The following GALNT13 variants were observed in gnomAD, a reference collection of about 807,000 sequenced individuals.
GALNT13 encodes polypeptide N-acetylgalactosaminyltransferase 13.
A neutral mutation model predicts 64.2 loss-of-function variants in GALNT13; 28 were observed. The ratio of observed to expected loss-of-function variants is 0.44; its 90% confidence interval spans 0.32 to 0.60. GALNT13 has a LOEUF of 0.60. GALNT13 is among the 20% of genes least tolerant of loss of function. The pLI is 0.05. For synonymous variants in GALNT13, 214 were observed against 224.6 expected (o/e 0.95, Z 0.42); for missense variants, 577 against 669.8 (o/e 0.86, Z 1.53).
chr2:154,286,094 T>TA (rs1692249175), intron 8 of GALNT13, among the ~76,000 whole-genome samples: 1 of 152,214 alleles, frequency 6.6e-6, no homozygotes, highest in Non-Finnish European at 1.5e-5. Flanking sequence ...GTGGAGCTTT[T>TA]AGGGTTTTCT....
chr2:154,012,275 C>A (rs1696686101), intron 3 of GALNT13, among the ~76,000 whole-genome samples: 1 of 152,176 alleles, frequency 6.6e-6, no homozygotes, highest in African/African-American at 2.4e-5. Context: ...CTACTGAATT[C>A]TCTTAGTACT....
At chr2:154,086,174 T>A (rs1020960058) in intron 3 of GALNT13, among the ~76,000 whole-genome samples, 14 of 148,210 alleles carry the variant, frequency 9.4e-5, no homozygotes, top group Admixed American at 3.4e-4. Flanking sequence ...ATAATACATT[T>A]ACATATAATA....
At chr2:153,103,160 A>G in the GALNT13 span, among the ~76,000 whole-genome samples, 1 of 152,138 alleles carries the variant, frequency 6.6e-6, no homozygotes, top group Non-Finnish European at 1.5e-5. Context: ...TTTTCCCTGC[A>G]ACCAGAAGAA....
At chr2:154,380,235 G>C (rs1698203366) in intron 9 of GALNT13, among the ~76,000 whole-genome samples, 1 of 151,826 alleles carries the variant, frequency 6.6e-6, no homozygotes, top group Non-Finnish European at 1.5e-5. Flanking sequence ...TTTTACCCAG[G>C]AGTAAAGCAA....
chr2:153,159,225 C>T, the GALNT13 span: 1 of 152,114 alleles, frequency 6.6e-6, no homozygotes, highest in Admixed American at 6.6e-5. Flanking sequence ...TGTAATTACC[C>T]CAGAGATCTT....
intron 4 of GALNT13, among the ~76,000 whole-genome samples, chr2:154,235,640 G>A (rs1045894910): frequency 6.6e-6 from 1 of 152,212 alleles, no homozygotes. Flanking sequence ...GGTAGTAAAA[G>A]GCAACCACTG....
chr2:154,454,487 A>G (rs1053967715), downstream of GALNT13: 3 of 152,046 alleles, frequency 2.0e-5, no homozygotes, highest in African/African-American at 7.2e-5. Context: ...ACATGACGAA[A>G]CCCTGTCTCT....
chr2:153,355,164 G>C, the GALNT13 span, among the ~76,000 whole-genome samples: 1 of 152,044 alleles, frequency 6.6e-6, no homozygotes, highest in South Asian at 2.1e-4. Context: ...GTGAGAACAG[G>C]CTAATAATTT....
the GALNT13 span, among the ~76,000 whole-genome samples, chr2:153,810,824 AG>A: frequency 6.6e-6 from 1 of 152,228 alleles, no homozygotes. Flanking sequence ...AAGTAGGTCC[AG>A]GACACCTATT....
the GALNT13 span, among the ~76,000 whole-genome samples, chr2:153,744,408 T>C: frequency 6.6e-6 from 1 of 152,188 alleles, no homozygotes; most frequent in Non-Finnish European, 1.5e-5. Flanking sequence ...TAGTTTTGAT[T>C]TGTGTTTCTC....
At chr2:154,093,507 T>G (rs1701925052) in intron 3 of GALNT13, among the ~76,000 whole-genome samples, 1 of 151,982 alleles carries the variant, frequency 6.6e-6, no homozygotes, top group Non-Finnish European at 1.5e-5. Flanking sequence ...TCCAGCATAC[T>G]GTGGCACCAC....
chr2:153,710,033 A>T, the GALNT13 span, among the ~76,000 whole-genome samples: 1 of 152,092 alleles, frequency 6.6e-6, no homozygotes, highest in Non-Finnish European at 1.5e-5. Context: ...CTCAGGCAGA[A>T]GAAATAATTT....
At chr2:154,151,339 T>A (rs1574610131) in intron 4 of GALNT13, among the ~76,000 whole-genome samples, 1 of 152,194 alleles carries the variant, frequency 6.6e-6, no homozygotes, top group East Asian at 1.9e-4. Context: ...TGAGGAGAGC[T>A]TTACTTCCAA....
At chr2:153,838,116 T>C in the GALNT13 span, among the ~76,000 whole-genome samples, 10 of 151,990 alleles carry the variant, frequency 6.6e-5, no homozygotes. Flanking sequence ...TTTGCTACTG[T>C]GTTGTATGAG....
chr2:153,602,675 C>A, the GALNT13 span, among the ~76,000 whole-genome samples: 1 of 151,720 alleles, frequency 6.6e-6, no homozygotes, highest in Non-Finnish European at 1.5e-5. Context: ...AAAATGAGGA[C>A]AACCAGATTT....
At chr2:154,291,110 G>C (rs1385541727) in intron 8 of GALNT13, among the ~76,000 whole-genome samples, 2 of 152,076 alleles carry the variant, frequency 1.3e-5, no homozygotes, top group Non-Finnish European at 2.9e-5. Context: ...GTAGGTTGCC[G>C]CGGCTGGCTT....
At chr2:153,860,908 G>A in the GALNT13 span, among the ~76,000 whole-genome samples, 1 of 152,276 alleles carries the variant, frequency 6.6e-6, no homozygotes. Flanking sequence ...AGCAGGAGAA[G>A]GAGCTCTCAT....
chr2:153,084,547 C>G, the GALNT13 span, among the ~76,000 whole-genome samples: 1 of 152,096 alleles, frequency 6.6e-6, no homozygotes, highest in Non-Finnish European at 1.5e-5. Context: ...AGGGCAGGGC[C>G]AGGTGGAGAT....
intron 9 of GALNT13, among the ~76,000 whole-genome samples, chr2:154,334,952 G>A (rs1329300361): frequency 1.3e-5 from 2 of 151,880 alleles, no homozygotes; most frequent in Non-Finnish European, 2.9e-5. Flanking sequence ...TCTCTGCAGG[G>A]ACAAACTGTG....
Sources: gnomAD v4.1 joint callset for allele counts (sites outside exome capture counted in the v4.1 genomes callset) on GRCh38, gnomAD v4.1.1 for gene constraint, MANE v1.5 for transcripts, NCBI Gene and HGNC (gene_info 2026-07-23, HGNC 2026-07-21) for gene names.